WDR3: variants seen among roughly 807,000 people sequenced by gnomAD.
WDR3 encodes WD repeat-containing protein 3.
A neutral mutation model predicts 123.7 loss-of-function variants in WDR3; 81 were observed. That is an observed-to-expected ratio of 0.65 (90% CI 0.55 to 0.79). The LOEUF (loss-of-function observed/expected upper bound fraction) is 0.79. Ranked by LOEUF, WDR3 falls within the 30% of genes least tolerant of loss-of-function variation. The pLI, the probability that WDR3 is intolerant of heterozygous loss-of-function variation, is 0.00. For missense variants in WDR3, 1,027 were observed against 1,123.2 expected, an observed-to-expected ratio of 0.91 and a Z score of 1.22; for synonymous variants, 390 against 388.8, an observed-to-expected ratio of 1.00 and a Z score of -0.04.
rs202123878 is a variant in WDR3 at position 117,940,727 on chromosome 1, C to CCGACGA, written c.676-96_676-95insGACGAC. 10,359 of 1,100,974 alleles carry CCGACGA rather than the reference C, an allele frequency of 9.4e-3. 109 individuals are homozygous for CCGACGA. The highest frequency in any genetic ancestry group is 0.051 in the South Asian group (3,396 of 66,136). 68.2% of individuals were successfully genotyped at this position (1,100,974 alleles called of 1,614,324 possible). Reference sequence around the variant, plus strand: ...TGGGCGACAGAGTAAGACTCTGTCTCCGACAACAACAACAACAACAACAAA... The same window carrying CCGACGA: ...TGGGCGACAGAGTAAGACTCTGTCTCCGACGACGACAACAACAACAACAACAACAAA... On this transcript the variant is annotated intron_variant, in intron 6 of 26. Coordinates refer to ENST00000349139, the MANE Select transcript of WDR3 (RefSeq NM_006784.3).
Position 117,943,534 on chromosome 1 carries a change from G to A in WDR3, c.1236G>A (p.Gly412=), listed in dbSNP as rs776874097. 3.1e-6 allele frequency: 5 copies of A among 1,614,040 alleles called. No individual in the cohort carries two copies. Among genetic ancestry groups the A allele is most frequent in the Non-Finnish European group, 4.2e-6 (5 of 1,180,028 alleles). ...TCAGGACAAGCAGAATCACTATTGG[G>A]GGTCATCGCAGTGATGTGCGGACTT... The part of the protein sequence containing the change: ...QPVRTSRITI[G]GHRSDVRTLS... Residue 412 remains glycine (G), a synonymous_variant, in exon 11 of 27, where the codon GGG becomes GGA. Coordinates refer to ENST00000349139, the MANE Select transcript of WDR3 (RefSeq NM_006784.3).
intron 11 of WDR3, among the ~76,000 whole-genome samples, chr1:117,944,357 C>T (rs551227390): frequency 4.6e-5 from 7 of 152,246 alleles, no homozygotes; most frequent in South Asian, 2.1e-4. Context: ...ATCTTTATGA[C>T]GTCTAAGTGT....
At chr1:117,952,879 C>G (rs903743840) in intron 19 of WDR3, 67 bp from the exon 20 acceptor site, 2 of 1,576,362 alleles carry the variant, frequency 1.3e-6, no homozygotes, top group East Asian at 4.5e-5. Flanking sequence ...TTCTCGCTTC[C>G]TCATTTCTCT....
chr1:117,930,820 T>G (rs182699881), intron 1 of WDR3, among the ~76,000 whole-genome samples: 6 of 152,336 alleles, frequency 3.9e-5, no homozygotes, highest in African/African-American at 1.4e-4. Flanking sequence ...CTGGCTGGAT[T>G]GGGATCTGGC....
In WDR3 at chr1:117,934,616, T is replaced by C. The variant is rs1174410276; in HGVS notation, c.315T>C (p.Gly105=). 6.2e-7 allele frequency: 1 copy of C among 1,614,098 alleles called. No individual in the cohort carries two copies. The highest frequency in any genetic ancestry group is 8.5e-7 in the Non-Finnish European group (1 of 1,180,008). Residue 105 remains glycine (G), a synonymous_variant, in exon 3 of 27, where the codon GGT becomes GGC. Transcript: ENST00000349139. ...LSGEGNVTFN[G]HKAAITTLKY... ...GGGAAGGAAATGTGACCTTCAATGG[T>C]CACAAAGCAGCTATCACTACCTTGA... is the stretch of plus-strand genomic sequence containing the variant.
intron 16 of WDR3, among the ~76,000 whole-genome samples, chr1:117,951,407 CAA>C (rs768109905): frequency 4.7e-5 from 4 of 84,878 alleles, no homozygotes; most frequent in Non-Finnish European, 4.9e-5. Context: ...GACTCCGTCT[CAA>C]AAAAAAAAAA....
chr1:117,946,765 C>T (rs1046265548), intron 12 of WDR3, among the ~76,000 whole-genome samples: 1 of 151,888 alleles, frequency 6.6e-6, no homozygotes, highest in Non-Finnish European at 1.5e-5. Flanking sequence ...CACGGTGAAA[C>T]CCTGTCTCTA....
At chr1:117,955,266 TA>T in intron 23 of WDR3, 48 bp from the exon 24 acceptor site, 1 of 1,537,046 alleles carries the variant, frequency 6.5e-7, no homozygotes, top group Non-Finnish European at 8.9e-7. Flanking sequence ...AGAACTTTAG[TA>T]GAAACCAACC....
At chr1:117,954,195 G>A in intron 22 of WDR3, 96 bp downstream of exon 22, 1 of 995,604 alleles carries the variant, frequency 1.0e-6, no homozygotes, top group Non-Finnish European at 1.5e-6. Context: ...ATCAGGATAT[G>A]CAATAAATGG....
rs1308170756 is a variant in WDR3 at position 117,960,621 on chromosome 1, T to A, written c.*1174T>A. On this transcript the variant is annotated 3_prime_UTR_variant, in exon 27 of 27. Coordinates refer to ENST00000349139, the MANE Select transcript of WDR3 (RefSeq NM_006784.3). ...GAGTTGTTCATGCACAGGTGATTAG[T>A]GTCACAGCATTTTAAGTGCATACGC... 1 of 152,218 alleles carries A rather than the reference T, an allele frequency of 6.6e-6. No individual in the cohort carries two copies. 9.4% of individuals were successfully genotyped at this position (152,218 alleles called of 1,614,324 possible).
chr1:117,950,944 CT>C, intron 16 of WDR3, 54 bp downstream of exon 16: 1 of 1,434,414 alleles, frequency 7.0e-7, no homozygotes, highest in Non-Finnish European at 9.6e-7. Context: ...ACAGCAGATA[CT>C]TTCTTAATTC....
rs372167000 is a variant in WDR3, at chr1:117,942,433, CT to C, written c.990-3del. The C allele has an allele frequency of 6.1e-5, 98 of 1,612,450 alleles. 1 individual carries two copies. In the Middle Eastern group the frequency reaches 1.5e-3, roughly 24 times the overall value. On this transcript the variant is annotated splice_region_variant and splice_polypyrimidine_tract_variant and intron_variant, in intron 9 of 26. Transcript: ENST00000349139. ...GCATGATATACTTTTCTTCTTCCCT[CT>C]AGATTACATTCTAGCAAAGGAGAGG...
chr1:117,954,400 A>C (rs1651854275), intron 22 of WDR3, among the ~76,000 whole-genome samples, 180 bp from the exon 23 acceptor site: 1 of 152,140 alleles, frequency 6.6e-6, no homozygotes, highest in Non-Finnish European at 1.5e-5. Context: ...ACATTGTCCA[A>C]GCTCATTCAT....
chr1:117,947,505 A>C (rs1195934765), intron 12 of WDR3, among the ~76,000 whole-genome samples: 3 of 152,204 alleles, frequency 2.0e-5, no homozygotes, highest in African/African-American at 7.2e-5. Context: ...ACAAATGTCC[A>C]TCTCTGATTT....
chr1:117,963,711 G>A lies in WDR3; in HGVS notation c.*4264G>A. 7.9e-7 allele frequency: 1 copy of A among 1,265,284 alleles called. No homozygotes were observed. The highest frequency in any genetic ancestry group is 1.1e-6 in the Non-Finnish European group (1 of 916,850). The allele number at this position is 1,265,284 out of a possible 1,614,324, so 78.4% of individuals were successfully genotyped here. On this transcript the variant is annotated 3_prime_UTR_variant, in exon 27 of 27. Coordinates refer to ENST00000349139, the MANE Select transcript of WDR3 (RefSeq NM_006784.3). ...CAGGCCAGGTGGCTTATAGGTTTCT[G>A]ACTATAAGAAGAGGGGAAGAAACCT... is the stretch of plus-strand genomic sequence containing the variant.
In WDR3 at chr1:117,958,849, A is replaced by G. The variant is rs1652610654; in HGVS notation, c.2583-61A>G. The G allele has an allele frequency of 6.5e-6, 8 of 1,226,388 alleles. No individual in the cohort carries two copies. In the South Asian group the frequency reaches 1.3e-4, roughly 20 times the overall value. 76.0% of individuals were successfully genotyped at this position (1,226,388 alleles called of 1,614,324 possible). The stretch of plus-strand genomic sequence containing the variant: ...GATATTGTGTCTGTTTACTGTTTCT[A>G]GAAGGGTTAAGTAGGGCTAGAACCT... On this transcript the variant is annotated intron_variant, in intron 25 of 26. Coordinates refer to ENST00000349139, the MANE Select transcript of WDR3 (RefSeq NM_006784.3).
Position 117,946,113 on chromosome 1 carries a change from G to T in WDR3, c.1356G>T (p.Met452Ile). ...NRSTLQCIRT[M>I]TCEYALCSFF... ...CTACACTGCAGTGTATTCGCACAATGACCTGTGAATATGCACTTTGCTCAT... is the reference window on the plus strand; with the variant it reads ...CTACACTGCAGTGTATTCGCACAATTACCTGTGAATATGCACTTTGCTCAT... Residue 452 changes from methionine to isoleucine, a missense_variant, in exon 12 of 27, where the codon ATG (methionine) becomes ATT (isoleucine). By Grantham distance (10) the Met-to-Ile change is conservative. Coordinates refer to ENST00000349139, the MANE Select transcript of WDR3 (RefSeq NM_006784.3). 1 of 1,612,796 alleles carries T rather than the reference G, an allele frequency of 6.2e-7. No individual in the cohort carries two copies. The highest frequency in any genetic ancestry group is 1.1e-5 in the South Asian group (1 of 90,878).
At chr1:117,949,664 A>C in intron 13 of WDR3, 87 bp from the exon 14 acceptor site, 2 of 1,429,040 alleles carry the variant, frequency 1.4e-6, no homozygotes, top group Non-Finnish European at 1.9e-6. Flanking sequence ...TTAAATAAAA[A>C]TACTTTCTTA....
chr1:117,935,569 A>G (rs1650916003), intron 3 of WDR3, among the ~76,000 whole-genome samples: 2 of 152,048 alleles, frequency 1.3e-5, no homozygotes, highest in South Asian at 2.1e-4. Context: ...TAGAAAAATG[A>G]TAGATTACTT....
Sources: allele counts gnomAD v4.1 joint callset (sites outside exome capture counted in the v4.1 genomes callset), GRCh38; gene constraint gnomAD v4.1.1; transcripts MANE v1.5; gene names NCBI Gene and HGNC (gene_info 2026-07-23, HGNC 2026-07-21).